Variants in TACR1 observed in about 807,000 individuals in gnomAD.
TACR1 encodes substance-P receptor.
Under a neutral mutation model 35.8 loss-of-function variants are expected in TACR1, and 25 were observed. The ratio of observed to expected loss-of-function variants is 0.70; its 90% CI spans 0.51 to 0.98. The LOEUF (loss-of-function observed/expected upper bound fraction) is 0.98. TACR1 is among the 50% of genes least tolerant of loss of function. The pLI, the probability that TACR1 is intolerant of heterozygous loss-of-function variation, is 0.00. For synonymous variants in TACR1, 195 were observed against 206.7 expected (o/e 0.94, Z 0.48); for missense variants, 478 against 522.9 (o/e 0.91, Z 0.84).
intron 2 of TACR1, among the ~76,000 whole-genome samples, chr2:75,054,677 C>T (rs777360135): frequency 6.6e-6 from 1 of 151,646 alleles, no homozygotes; most frequent in Non-Finnish European, 1.5e-5. Context: ...GTTTGGGGGT[C>T]CTTGGTTTGT....
chr2:75,094,859 A>ATATATATATATATATATATAT lies in TACR1; in HGVS notation c.584+25714_584+25715insATATATATATATATATATATA. ...GAAACATATATATATATATATATATATTTTTTTTTTTTTTGCCCAAGATGG... is the reference window on the plus strand; with the variant it reads ...GAAACATATATATATATATATATATATATATATATATATATATATATTTTTTTTTTTTTTTGCCCAAGATGG... On this transcript the variant is annotated intron_variant, in intron 2 of 4. Coordinates refer to ENST00000305249, the MANE Select transcript of TACR1 (RefSeq NM_001058.4). Among the ~76,000 whole-genome samples the ATATATATATATATATATATAT allele has an allele frequency of 1.1e-3, 124 of 113,072 alleles. 2 individuals are homozygous for ATATATATATATATATATATAT. Among genetic ancestry groups the ATATATATATATATATATATAT allele is most frequent in the African/African-American group, 4.6e-3 (95 of 20,832 alleles). The allele number at this position is 113,072 out of a possible 152,430, so 74.2% of individuals were successfully genotyped here.
At chr2:75,193,452 G>A (rs536456421) in intron 1 of TACR1, among the ~76,000 whole-genome samples, 97 of 152,232 alleles carry the variant, frequency 6.4e-4, no homozygotes, top group African/African-American at 2.3e-3. Context: ...TTCTTGTCGG[G>A]CATTCCAACT....
intron 2 of TACR1, among the ~76,000 whole-genome samples, chr2:75,083,612 T>G (rs1347992558): frequency 6.6e-6 from 1 of 152,188 alleles, no homozygotes; most frequent in Non-Finnish European, 1.5e-5. Context: ...TGAGCAGTGG[T>G]TTGTAGTTCT....
intron 2 of TACR1, 113 bp from the exon 3 acceptor site, chr2:75,053,868 C>G: frequency 7.1e-7 from 1 of 1,412,622 alleles, no homozygotes; most frequent in Non-Finnish European, 9.7e-7. Flanking sequence ...TCAGCATATG[C>G]CATTAATAAG....
At chr2:75,071,065 C>T (rs1485914426) in intron 2 of TACR1, among the ~76,000 whole-genome samples, 1 of 152,174 alleles carries the variant, frequency 6.6e-6, no homozygotes, top group Non-Finnish European at 1.5e-5. Flanking sequence ...ACAGTCATGC[C>T]CGTTCACACT....
At chr2:75,124,004 C>T (rs1331244197) in intron 1 of TACR1, among the ~76,000 whole-genome samples, 1 of 152,220 alleles carries the variant, frequency 6.6e-6, no homozygotes, top group African/African-American at 2.4e-5. Flanking sequence ...CTGCACCGTG[C>T]TCGTGGGACT....
Position 75,049,542 on chromosome 2 carries a change from C to A in TACR1, c.1114G>T (p.Gly372Cys). 1 of 1,614,172 alleles carries A rather than the reference C, an allele frequency of 6.2e-7. No homozygotes were observed. Among genetic ancestry groups the A allele is most frequent in the East Asian group, 2.2e-5 (1 of 44,870 alleles). Residue 372 changes from glycine (G) to cysteine (C), a missense_variant, in exon 5 of 5, where the codon GGC (glycine) becomes TGC (cysteine). Physicochemically the swap from Gly to Cys is radical, Grantham distance 159 (BLOSUM62 -3). Coordinates refer to ENST00000305249, the MANE Select transcript of TACR1 (RefSeq NM_001058.4). ...VGAHEEEPEDGPKATPSSLDL... is the reference protein window; with the variant it reads ...VGAHEEEPEDCPKATPSSLDL... ...AGGGACGAGGGTGTGGCCTTGGGGC[C>A]GTCCTCTGGCTCCTCCTCGTGGGCC...
intron 1 of TACR1, chr2:75,189,269 C>G (rs1322596159): frequency 6.6e-6 from 1 of 152,224 alleles, no homozygotes; most frequent in African/African-American, 2.4e-5. Flanking sequence ...GGCAAGACCC[C>G]TGTGAGGCAT....
rs151015386 is a variant in TACR1, at chr2:75,122,445, G to T, written c.390-1677C>A. ...TAGGGACCTGGGATTTCCCTCTCTG[G>T]TCTGTAAGGGCCACTGAAGGTGTTT... On this transcript the variant is annotated intron_variant, in intron 1 of 4. Coordinates refer to ENST00000305249, the MANE Select transcript of TACR1 (RefSeq NM_001058.4). 3.8e-3 allele frequency among the ~76,000 whole-genome samples: 573 copies of T among 152,232 alleles called. 2 individuals are homozygous for T. The highest frequency in any genetic ancestry group is 0.013 in the African/African-American group (543 of 41,522).
intron 2 of TACR1, among the ~76,000 whole-genome samples, chr2:75,062,655 T>C (rs1326092702): frequency 6.6e-6 from 1 of 152,230 alleles, no homozygotes; most frequent in Non-Finnish European, 1.5e-5. Flanking sequence ...CCATTTTTAT[T>C]TCCCAAGGTT....
intron 2 of TACR1, among the ~76,000 whole-genome samples, chr2:75,054,902 G>A (rs1429865624): frequency 1.3e-5 from 2 of 152,098 alleles, no homozygotes; most frequent in Non-Finnish European, 2.9e-5. Flanking sequence ...CATTTTACTA[G>A]CATTATCTTA....
At chr2:75,113,694 G>T (rs1422579027) in intron 2 of TACR1, among the ~76,000 whole-genome samples, 2 of 152,012 alleles carry the variant, frequency 1.3e-5, no homozygotes, top group Non-Finnish European at 2.9e-5. Flanking sequence ...AATACTAGGG[G>T]CTCTGGGCTG....
intron 1 of TACR1, 125 bp downstream of exon 1, chr2:75,198,421 A>G (rs1269924498): frequency 7.3e-6 from 8 of 1,097,498 alleles, no homozygotes; most frequent in Non-Finnish European, 9.1e-6. Flanking sequence ...TCAGTTGATC[A>G]GTAAAAAAAC....
intron 2 of TACR1, among the ~76,000 whole-genome samples, chr2:75,094,860 T>TATATA (rs1491102755): frequency 6.0e-5 from 3 of 50,420 alleles, no homozygotes; most frequent in East Asian, 7.2e-4. Flanking sequence ...TATATATATA[T>TATATA]TTTTTTTTTT....
At chr2:75,065,422 G>A (rs1672743390) in intron 2 of TACR1, among the ~76,000 whole-genome samples, 1 of 152,206 alleles carries the variant, frequency 6.6e-6, no homozygotes, top group South Asian at 2.1e-4. Flanking sequence ...AGTGGGTACT[G>A]ATACATGTTT....
intron 1 of TACR1, 146 bp downstream of exon 1, chr2:75,198,400 C>T (rs1676044965): frequency 2.2e-6 from 2 of 897,768 alleles, no homozygotes; most frequent in Non-Finnish European, 3.3e-6. Flanking sequence ...AGTTCCCCAT[C>T]AACAAATGAC....
intron 2 of TACR1, among the ~76,000 whole-genome samples, chr2:75,077,791 T>A (rs1673009336): frequency 6.6e-6 from 1 of 152,192 alleles, no homozygotes; most frequent in African/African-American, 2.4e-5. Flanking sequence ...CATCCCCAGA[T>A]AAGAGGTATA....
At chr2:75,146,409 C>T (rs1674514940) in intron 1 of TACR1, among the ~76,000 whole-genome samples, 1 of 152,210 alleles carries the variant, frequency 6.6e-6, no homozygotes, top group Non-Finnish European at 1.5e-5. Context: ...AGGAATGAGT[C>T]ACCATGCCCG....
rs528596069 is a variant in TACR1 at position 75,132,452 on chromosome 2, T to G, written c.390-11684A>C. 4.6e-5 allele frequency among the ~76,000 whole-genome samples: 7 copies of G among 152,350 alleles called. No homozygotes were observed. In the South Asian group the frequency reaches 1.4e-3, roughly 32 times the overall value. ...TATTGTTCATTTTTAGAATTTTGAT[T>G]GCATATTTTTAAAAATGTCTAGTCA... On this transcript the variant is annotated intron_variant, in intron 1 of 4. Coordinates refer to ENST00000305249, the MANE Select transcript of TACR1 (RefSeq NM_001058.4).
Sources: allele counts gnomAD v4.1 joint callset (sites outside exome capture counted in the v4.1 genomes callset), GRCh38; gene constraint gnomAD v4.1.1; transcripts MANE v1.5; gene names NCBI Gene and HGNC (gene_info 2026-07-23, HGNC 2026-07-21).